Variants in NEGR1 observed in about 807,000 individuals in gnomAD.
NEGR1 encodes neuronal growth regulator 1, also known as IgLON family member 4.
NEGR1 carries 10 observed loss-of-function variants against 40.9 expected under a neutral mutation model. The ratio of observed to expected loss-of-function variants is 0.24; its 90% CI spans 0.15 to 0.42. The LOEUF is 0.42. Ranked by LOEUF, NEGR1 falls within the 10% of genes least tolerant of loss-of-function variation. NEGR1 has a pLI of 1.00. For synonymous variants in NEGR1, 185 were observed against 166.8 expected (o/e 1.11, Z -0.84); for missense variants, 352 against 438.9 (o/e 0.80, Z 1.77).
intron 3 of NEGR1, among the ~76,000 whole-genome samples, chr1:71,761,292 A>AT (rs1655931457): frequency 6.6e-6 from 1 of 152,180 alleles, no homozygotes; most frequent in African/African-American, 2.4e-5. Context: ...GGCCATAGAC[A>AT]ATATATAAAG....
At chr1:71,462,419 A>G (rs750560515) in intron 6 of NEGR1, among the ~76,000 whole-genome samples, 1 of 152,174 alleles carries the variant, frequency 6.6e-6, no homozygotes, top group Non-Finnish European at 1.5e-5. Flanking sequence ...AAGCACTAAT[A>G]GGTGTTCTCA....
At chr1:72,182,731 T>G (rs2100415731) in intron 1 of NEGR1, among the ~76,000 whole-genome samples, 1 of 151,512 alleles carries the variant, frequency 6.6e-6, no homozygotes, top group Non-Finnish European at 1.5e-5. Flanking sequence ...AAATTAAAAT[T>G]TTATAATTGT....
intron 1 of NEGR1, among the ~76,000 whole-genome samples, chr1:72,011,536 C>T (rs544726111): frequency 6.6e-6 from 1 of 152,120 alleles, no homozygotes; most frequent in South Asian, 2.1e-4. Flanking sequence ...CAAGTAATCG[C>T]CATAGATCAA....
chr1:71,958,641 G>C (rs551715700), intron 1 of NEGR1, among the ~76,000 whole-genome samples: 1 of 152,074 alleles, frequency 6.6e-6, no homozygotes, highest in Admixed American at 6.6e-5. Flanking sequence ...CAGCTGACAA[G>C]AACTAATTCT....
At chr1:72,226,572 T>C (rs1557587450) in intron 1 of NEGR1, among the ~76,000 whole-genome samples, 2 of 152,038 alleles carry the variant, frequency 1.3e-5, no homozygotes, top group Non-Finnish European at 2.9e-5. Flanking sequence ...TGTATAAATA[T>C]GTACATTCAA....
chr1:72,030,882 A>T (rs1258643288), intron 1 of NEGR1, among the ~76,000 whole-genome samples: 1 of 152,172 alleles, frequency 6.6e-6, no homozygotes, highest in Admixed American at 6.6e-5. Flanking sequence ...TTGAACTTAC[A>T]CATGGAAAAA....
intron 2 of NEGR1, among the ~76,000 whole-genome samples, chr1:71,833,978 A>G (rs1347756651): frequency 6.6e-6 from 1 of 152,148 alleles, no homozygotes; most frequent in African/African-American, 2.4e-5. Flanking sequence ...TAATTGCATA[A>G]TAGTGCCAAG....
chr1:71,456,803 T>C (rs1401441427), intron 6 of NEGR1, among the ~76,000 whole-genome samples: 2 of 152,240 alleles, frequency 1.3e-5, no homozygotes, highest in African/African-American at 4.8e-5. Flanking sequence ...GTCAATTTCT[T>C]TTTTTGATAT....
intron 4 of NEGR1, among the ~76,000 whole-genome samples, chr1:71,676,623 C>A (rs1652646097): frequency 6.6e-6 from 1 of 152,150 alleles, no homozygotes; most frequent in African/African-American, 2.4e-5. Flanking sequence ...CAGATATCTC[C>A]ACCATACTGC....
At chr1:71,683,712 T>G (rs1652917982) in intron 4 of NEGR1, among the ~76,000 whole-genome samples, 1 of 152,004 alleles carries the variant, frequency 6.6e-6, no homozygotes, top group Admixed American at 6.6e-5. Flanking sequence ...CTGGGTTGTT[T>G]TGATATTCAG....
At chr1:72,212,162 A>C (rs573660099) in intron 1 of NEGR1, among the ~76,000 whole-genome samples, 1 of 152,126 alleles carries the variant, frequency 6.6e-6, no homozygotes, top group African/African-American at 2.4e-5. Context: ...GTAAACTAAA[A>C]GAATCAGGTT....
At chr1:71,456,589 C>T (rs1432797616) in intron 6 of NEGR1, among the ~76,000 whole-genome samples, 6 of 152,112 alleles carry the variant, frequency 3.9e-5, no homozygotes, top group African/African-American at 7.2e-5. Flanking sequence ...TTTTCTTCCC[C>T]GCAATGGCTG....
At chr1:72,008,670 C>T (rs545610437) in intron 1 of NEGR1, among the ~76,000 whole-genome samples, 18 of 152,078 alleles carry the variant, frequency 1.2e-4, no homozygotes, top group African/African-American at 4.3e-4. Context: ...TTAGCCTTGG[C>T]CTATGTAATT....
chr1:72,239,161 C>A (rs766756225), intron 1 of NEGR1, among the ~76,000 whole-genome samples: 8 of 151,886 alleles, frequency 5.3e-5, no homozygotes, highest in Non-Finnish European at 1.0e-4. Flanking sequence ...ATGCCAATGT[C>A]AACCAGCCAC....
At chr1:71,896,102 A>G (rs976742189) in intron 2 of NEGR1, among the ~76,000 whole-genome samples, 4 of 147,234 alleles carry the variant, frequency 2.7e-5, no homozygotes, top group East Asian at 2.0e-4. Flanking sequence ...CAGTGGCACA[A>G]TCTCGGCTCA....
At chr1:71,981,185 G>A (rs1029560858) in intron 1 of NEGR1, among the ~76,000 whole-genome samples, 2 of 152,102 alleles carry the variant, frequency 1.3e-5, no homozygotes, top group Non-Finnish European at 2.9e-5. Flanking sequence ...ATAATTCTAC[G>A]TAGACATTGA....
At chr1:72,162,049 T>C (rs1304958293) in intron 1 of NEGR1, among the ~76,000 whole-genome samples, 2 of 152,204 alleles carry the variant, frequency 1.3e-5, no homozygotes, top group African/African-American at 4.8e-5. Flanking sequence ...TTGGGTGTGG[T>C]TGTGCTGTTA....
At chr1:71,758,662 A>C (rs1383827499) in intron 3 of NEGR1, among the ~76,000 whole-genome samples, 2 of 152,150 alleles carry the variant, frequency 1.3e-5, no homozygotes, top group African/African-American at 4.8e-5. Context: ...GTGAAGAAAA[A>C]ATTGATATAG....
At chr1:71,807,554 G>A (rs1309698965) in intron 2 of NEGR1, among the ~76,000 whole-genome samples, 4 of 152,040 alleles carry the variant, frequency 2.6e-5, no homozygotes, top group Non-Finnish European at 5.9e-5. Context: ...TGAGGTTAAT[G>A]GAAATTGTTC....
Sources: allele counts gnomAD v4.1 joint callset (sites outside exome capture counted in the v4.1 genomes callset), GRCh38; gene constraint gnomAD v4.1.1; transcripts MANE v1.5; gene names NCBI Gene and HGNC (gene_info 2026-07-23, HGNC 2026-07-21).